Variants in PDSS2 observed in about 807,000 individuals in gnomAD.
The protein encoded by PDSS2 is all trans-polyprenyl-diphosphate synthase PDSS2.
A neutral mutation model predicts 44.5 loss-of-function variants in PDSS2; 31 were observed. The observed-to-expected ratio is 0.70, with a 90% CI of 0.52 to 0.94. The LOEUF (loss-of-function observed/expected upper bound fraction) is 0.94. Ranked by LOEUF, PDSS2 falls within the 40% of genes least tolerant of loss-of-function variation. The probability of loss-of-function intolerance (pLI) is 0.00; values close to 1 mark genes in which losing one functional copy is unlikely to be tolerated. For synonymous variants in PDSS2, 157 were observed against 180.3 expected (o/e 0.87, Z 1.03); for missense variants, 452 against 482.2 (o/e 0.94, Z 0.59).
intron 2 of PDSS2, among the ~76,000 whole-genome samples, chr6:107,300,421 G>A (rs1776656279): frequency 6.6e-6 from 1 of 152,152 alleles, no homozygotes; most frequent in African/African-American, 2.4e-5. Flanking sequence ...GGGGGACTGA[G>A]AGACAGGACA....
At chr6:107,418,823 A>C (rs1780741254) in intron 1 of PDSS2, among the ~76,000 whole-genome samples, 1 of 152,174 alleles carries the variant, frequency 6.6e-6, no homozygotes, top group Non-Finnish European at 1.5e-5. Context: ...TGTTGTTTTT[A>C]GCCACTAGCT....
chr6:107,399,132 A>G (rs1219354147), intron 1 of PDSS2, among the ~76,000 whole-genome samples: 3 of 152,194 alleles, frequency 2.0e-5, no homozygotes, highest in Non-Finnish European at 4.4e-5. Flanking sequence ...AGGCAACATA[A>G]TAAGGTAGAT....
At chr6:107,347,320 T>A (rs951318531) in intron 1 of PDSS2, among the ~76,000 whole-genome samples, 2 of 141,296 alleles carry the variant, frequency 1.4e-5, no homozygotes, top group Non-Finnish European at 1.5e-5. Context: ...TGGAGTGCAG[T>A]GGCGCGGTCT....
At chr6:107,457,724 G>A (rs930294140) in intron 1 of PDSS2, among the ~76,000 whole-genome samples, 2 of 152,130 alleles carry the variant, frequency 1.3e-5, no homozygotes, top group African/African-American at 4.8e-5. Flanking sequence ...ACAACTAAAC[G>A]CAATACTTGA....
At chr6:107,188,016 T>C (rs368527721) in intron 7 of PDSS2, among the ~76,000 whole-genome samples, 1 of 152,208 alleles carries the variant, frequency 6.6e-6, no homozygotes, top group East Asian at 1.9e-4. Flanking sequence ...GAGCTTGTGA[T>C]GGCAAACCCT....
chr6:107,241,788 T>C (rs981045390), intron 4 of PDSS2, among the ~76,000 whole-genome samples: 2 of 152,248 alleles, frequency 1.3e-5, no homozygotes, highest in Non-Finnish European at 1.5e-5. Context: ...TCTTCACCAC[T>C]GCATTAAGCT....
chr6:107,278,282 A>G (rs1023746045), intron 2 of PDSS2, among the ~76,000 whole-genome samples: 1 of 152,202 alleles, frequency 6.6e-6, no homozygotes, highest in African/African-American at 2.4e-5. Context: ...GGTTTAGATT[A>G]AAATCTCATT....
At chr6:107,210,392 T>C in intron 6 of PDSS2, 47 bp downstream of exon 6, 2 of 1,400,856 alleles carry the variant, frequency 1.4e-6, no homozygotes, top group Non-Finnish European at 2.0e-6. Context: ...TGTTCTAAAA[T>C]CCACTAATTA....
intron 3 of PDSS2, among the ~76,000 whole-genome samples, chr6:107,253,280 G>T (rs553243124): frequency 6.6e-6 from 1 of 151,992 alleles, no homozygotes; most frequent in Non-Finnish European, 1.5e-5. Flanking sequence ...CTCATGATCC[G>T]CCCGCCTCGG....
chr6:107,402,602 T>G (rs928985737), intron 1 of PDSS2, among the ~76,000 whole-genome samples: 1 of 147,002 alleles, frequency 6.8e-6, no homozygotes, highest in Non-Finnish European at 1.5e-5. Context: ...GATTCACAGT[T>G]CCACATGGCT....
intron 6 of PDSS2, among the ~76,000 whole-genome samples, chr6:107,208,720 C>A (rs1207355484): frequency 6.6e-6 from 1 of 151,420 alleles, no homozygotes; most frequent in Non-Finnish European, 1.5e-5. Flanking sequence ...ACCACCACGC[C>A]CAGCTAATTT....
chr6:107,312,187 C>G (rs1006024470), intron 2 of PDSS2, among the ~76,000 whole-genome samples: 1 of 152,176 alleles, frequency 6.6e-6, no homozygotes, highest in Non-Finnish European at 1.5e-5. Context: ...TTCTCCCTTC[C>G]TTGGTATCCT....
At chr6:107,443,902 G>A (rs1781585673) in intron 1 of PDSS2, among the ~76,000 whole-genome samples, 1 of 152,096 alleles carries the variant, frequency 6.6e-6, no homozygotes, top group Non-Finnish European at 1.5e-5. Flanking sequence ...GTCTCCCCAC[G>A]AAAATGAATT....
At chr6:107,438,975 A>G (rs189376527) in intron 1 of PDSS2, among the ~76,000 whole-genome samples, 51 of 152,328 alleles carry the variant, frequency 3.3e-4, no homozygotes, top group African/African-American at 1.1e-3. Flanking sequence ...CTATTATGGT[A>G]AGAGGTATGA....
At chr6:107,305,165 C>A (rs1287638685) in intron 2 of PDSS2, among the ~76,000 whole-genome samples, 1 of 152,082 alleles carries the variant, frequency 6.6e-6, no homozygotes, top group Non-Finnish European at 1.5e-5. Context: ...TTTTTTTCAT[C>A]AGCAAATACT....
chr6:107,359,168 G>A (rs947989517), intron 1 of PDSS2, among the ~76,000 whole-genome samples: 2 of 151,122 alleles, frequency 1.3e-5, no homozygotes, highest in African/African-American at 2.4e-5. Flanking sequence ...ACGCCATCAC[G>A]CCCAGCTGAT....
chr6:107,458,412 CAAAAAAAAAAA>C (rs60758453), intron 1 of PDSS2, among the ~76,000 whole-genome samples: 1 of 78,182 alleles, frequency 1.3e-5, no homozygotes, highest in Non-Finnish European at 2.5e-5. Flanking sequence ...GACTCCGTCT[CAAAAAAAAAAA>C]AAAAAAAAAC....
chr6:107,355,725 T>A (rs189571567), intron 1 of PDSS2, among the ~76,000 whole-genome samples: 1 of 152,316 alleles, frequency 6.6e-6, no homozygotes, highest in East Asian at 1.9e-4. Context: ...AACTTAACTT[T>A]TTTCAGAGGT....
chr6:107,158,658 G>A (rs1236158424), intron 7 of PDSS2, among the ~76,000 whole-genome samples: 1 of 152,148 alleles, frequency 6.6e-6, no homozygotes, highest in African/African-American at 2.4e-5. Flanking sequence ...AAATGGTGCT[G>A]GGTATCAGAA....
Sources: gnomAD v4.1 joint callset for allele counts (sites outside exome capture counted in the v4.1 genomes callset) on GRCh38, gnomAD v4.1.1 for gene constraint, MANE v1.5 for transcripts, NCBI Gene and HGNC (gene_info 2026-07-23, HGNC 2026-07-21) for gene names.